Variants in ZFHX3 observed in about 807,000 individuals in gnomAD.
ZFHX3 encodes the protein zinc finger homeobox protein 3.
ZFHX3 carries 42 observed loss-of-function variants against 279.1 expected under a neutral mutation model. That is an observed-to-expected ratio of 0.15 (90% CI 0.12 to 0.19). The LOEUF is 0.19. Ranked by LOEUF, ZFHX3 falls within the 10% of genes least tolerant of loss-of-function variation. ZFHX3 has a pLI of 1.00. For synonymous variants in ZFHX3, 2,293 were observed against 1,957.8 expected (o/e 1.17, Z -4.52); for missense variants, 4,981 against 4,754.0 (o/e 1.05, Z -1.40).
chr16:73,246,512 G>A (rs745764781), intron 5 of ZFHX3, among the ~76,000 whole-genome samples: 11 of 152,178 alleles, frequency 7.2e-5, no homozygotes, highest in African/African-American at 2.7e-4. Context: ...TGCTGGGTGG[G>A]CCAGGCTTTT....
intron 1 of ZFHX3, among the ~76,000 whole-genome samples, chr16:72,983,356 A>G (rs1048754415): frequency 6.6e-6 from 1 of 152,174 alleles, no homozygotes; most frequent in Non-Finnish European, 1.5e-5. Context: ...ACACAAAACA[A>G]TGACCAGGAT....
chr16:73,844,126 T>G (rs2142372897), intron 1 of ZFHX3, among the ~76,000 whole-genome samples: 1 of 152,206 alleles, frequency 6.6e-6, no homozygotes, highest in Admixed American at 6.5e-5. Flanking sequence ...AACAAGTGTT[T>G]CAGAAGGACA....
At chr16:72,908,049 G>A (rs1013744582) in intron 3 of ZFHX3, among the ~76,000 whole-genome samples, 5 of 152,052 alleles carry the variant, frequency 3.3e-5, no homozygotes, top group African/African-American at 7.2e-5. Flanking sequence ...TGTCTGCAGC[G>A]ATCCTTTCTC....
chr16:73,190,769 A>G (rs748762313), intron 5 of ZFHX3, among the ~76,000 whole-genome samples: 2 of 152,192 alleles, frequency 1.3e-5, no homozygotes, highest in African/African-American at 2.4e-5. Context: ...TTTCCAATTA[A>G]TCAGACTCCA....
At chr16:73,195,575 C>A (rs1038202452) in intron 5 of ZFHX3, among the ~76,000 whole-genome samples, 2 of 152,070 alleles carry the variant, frequency 1.3e-5, no homozygotes, top group Non-Finnish European at 2.9e-5. Flanking sequence ...TGCACCACCA[C>A]ACCCAGCTAG....
rs150085929 is a variant in ZFHX3 at position 72,843,073 on chromosome 16, G to A, written c.3449-13214C>T. Among the ~76,000 whole-genome samples the A allele has an allele frequency of 9.2e-4, 140 of 152,308 alleles. No homozygotes were observed. In the East Asian group the frequency reaches 0.019, roughly 20 times the overall value. ...GCATAAACATGAGGACAGCAGATCT[G>A]GGAAGGAGGAATGAAGGCTGTTCGC... On this transcript the variant is annotated intron_variant, in intron 4 of 9. Coordinates refer to ENST00000268489, the MANE Select transcript of ZFHX3 (RefSeq NM_006885.4).
intron 4 of ZFHX3, among the ~76,000 whole-genome samples, chr16:72,832,607 C>A (rs555787303): frequency 1.3e-5 from 2 of 152,298 alleles, no homozygotes; most frequent in South Asian, 4.1e-4. Flanking sequence ...GAAATGATTA[C>A]GAAAATCCTG....
chr16:72,831,064 C>A (rs539854879), intron 4 of ZFHX3, among the ~76,000 whole-genome samples: 1 of 152,272 alleles, frequency 6.6e-6, no homozygotes, highest in South Asian at 2.1e-4. Context: ...CCTTCTGACC[C>A]TCTAGAAAAC....
chr16:73,453,938 G>A (rs1236746287), intron 3 of ZFHX3, among the ~76,000 whole-genome samples: 1 of 152,146 alleles, frequency 6.6e-6, no homozygotes, highest in Admixed American at 6.5e-5. Flanking sequence ...CCCACAACAT[G>A]TGGGAATTGT....
intron 8 of ZFHX3, among the ~76,000 whole-genome samples, chr16:73,073,821 C>T (rs994119716): frequency 2.6e-5 from 4 of 152,154 alleles, no homozygotes; most frequent in African/African-American, 4.8e-5. Context: ...TTTGAGACAT[C>T]GTTAGGTAGA....
At chr16:73,087,871 A>C (rs1966027327) in intron 8 of ZFHX3, among the ~76,000 whole-genome samples, 1 of 150,770 alleles carries the variant, frequency 6.6e-6, no homozygotes. Flanking sequence ...CTTGTCATCC[A>C]GGCTGGAGTG....
chr16:73,523,145 A>G (rs1309764327), intron 2 of ZFHX3, among the ~76,000 whole-genome samples: 1 of 152,208 alleles, frequency 6.6e-6, no homozygotes, highest in Non-Finnish European at 1.5e-5. Flanking sequence ...CTCTCCCATA[A>G]TATGGGAACA....
chr16:73,340,739 T>C (rs538063869), intron 3 of ZFHX3, among the ~76,000 whole-genome samples: 6 of 152,102 alleles, frequency 3.9e-5, no homozygotes, highest in Non-Finnish European at 8.8e-5. Context: ...GTTAGTAAAG[T>C]TAGTTCTATC....
chr16:73,122,465 T>C (rs1225571077), intron 7 of ZFHX3, among the ~76,000 whole-genome samples: 1 of 152,018 alleles, frequency 6.6e-6, no homozygotes, highest in African/African-American at 2.4e-5. Flanking sequence ...CCTTGGCCTC[T>C]CAAAATGCTG....
At chr16:73,122,708 G>A (rs996723084) in intron 7 of ZFHX3, among the ~76,000 whole-genome samples, 2 of 152,154 alleles carry the variant, frequency 1.3e-5, no homozygotes, top group African/African-American at 4.8e-5. Context: ...GGAGTCAGCA[G>A]TTAAGGGTGA....
chr16:72,956,944 T>C (rs1961278687), intron 2 of ZFHX3, among the ~76,000 whole-genome samples: 1 of 152,202 alleles, frequency 6.6e-6, no homozygotes, highest in African/African-American at 2.4e-5. Context: ...GTTATCTGAA[T>C]AACGTACACT....
chr16:73,614,205 G>GT (rs2052275744), intron 2 of ZFHX3, among the ~76,000 whole-genome samples: 1 of 152,230 alleles, frequency 6.6e-6, no homozygotes, highest in African/African-American at 2.4e-5. Context: ...TATGTGATGT[G>GT]TACGGGGCAA....
At chr16:73,780,321 T>C (rs1388765818) in intron 1 of ZFHX3, among the ~76,000 whole-genome samples, 1 of 151,134 alleles carries the variant, frequency 6.6e-6, no homozygotes, top group East Asian at 2.0e-4. Flanking sequence ...CTAATTTTTG[T>C]ATTTTTAGTA....
chr16:73,628,556 C>G (rs1380272827), intron 2 of ZFHX3, among the ~76,000 whole-genome samples: 1 of 152,174 alleles, frequency 6.6e-6, no homozygotes, highest in Non-Finnish European at 1.5e-5. Flanking sequence ...ACTCCTTTTA[C>G]TACCACGCTC....
Sources: allele counts gnomAD v4.1 joint callset (sites outside exome capture counted in the v4.1 genomes callset), GRCh38; gene constraint gnomAD v4.1.1; transcripts MANE v1.5; gene names NCBI Gene and HGNC (gene_info 2026-07-23, HGNC 2026-07-21).